Variants in SPEN observed in about 807,000 individuals in gnomAD.
SPEN encodes the protein spen family transcriptional repressor.
Under a neutral mutation model 269.9 loss-of-function variants are expected in SPEN, and 18 were observed. The ratio of observed to expected loss-of-function variants is 0.07; its 90% CI spans 0.05 to 0.10. The LOEUF is 0.10. SPEN is among the 10% of genes least tolerant of loss of function. The pLI, the probability that SPEN is intolerant of heterozygous loss-of-function variation, is 1.00. For synonymous variants in SPEN, 1,726 were observed against 1,765.7 expected, an observed-to-expected ratio of 0.98 and a Z score of 0.56; for missense variants, 3,822 against 4,631.2, an observed-to-expected ratio of 0.83 and a Z score of 5.07.
chr1:15,931,525 C>T lies in SPEN; in HGVS notation c.5285C>T (p.Pro1762Leu), dbSNP rs2148740144. 1.2e-6 allele frequency: 2 copies of T among 1,614,134 alleles called. No individual in the cohort carries two copies. The highest frequency in any genetic ancestry group is 2.2e-5 in the South Asian group (2 of 91,078). Residue 1762 changes from proline to leucine, a missense_variant, in exon 11 of 15, where the codon CCA (proline) becomes CTA (leucine). Physicochemically the swap from Pro to Leu is moderately conservative, Grantham distance 98. Transcript: ENST00000375759. This position sits in a 1 kb window ranked among gnomAD's most constrained non-coding sequence, Gnocchi z 4.8. ...EPDSTQPLSK[P>L]AQKSEEANEP... ...GACAGTACCCAGCCACTTTCAAAAC[C>T]AGCTCAGAAGTCTGAGGAAGCCAAT...
rs185830561 is a variant in SPEN, at chr1:15,905,324, C to T, written c.882-3997C>T. ...GCAACCTCCGCCTCCCGGGTTCAAG[C>T]GATTCTCCTGCCTCAGCCTCCTGAG... On this transcript the variant is annotated intron_variant, in intron 3 of 14. Coordinates refer to ENST00000375759, the MANE Select transcript of SPEN (RefSeq NM_015001.3). 7.2e-3 allele frequency among the ~76,000 whole-genome samples: 1,095 copies of T among 151,244 alleles called. 23 individuals carry two copies. The highest frequency in any genetic ancestry group is 0.025 in the African/African-American group (1,036 of 41,216).
In SPEN at chr1:15,933,978, A is replaced by G; in HGVS notation, c.7738A>G (p.Lys2580Glu). ...EAPPPPVDSK[K>E]PLEEKTAPPV... is the part of the protein sequence containing the mutation. ...CCCGCCCCCGCCAGTTGACTCTAAA[A>G]AGCCTTTAGAAGAAAAAACAGCACC... Residue 2580 changes from lysine (K) to glutamate (E), a missense_variant, in exon 11 of 15, where the codon AAG becomes GAG. Lys to Glu is a moderately conservative substitution (Grantham distance 56). Coordinates refer to ENST00000375759, the MANE Select transcript of SPEN (RefSeq NM_015001.3). This position sits in a 1 kb window ranked among gnomAD's most constrained non-coding sequence, Gnocchi z 5.7. 1 of 1,614,030 alleles carries G rather than the reference A, an allele frequency of 6.2e-7. No individual in the cohort carries two copies. The highest frequency in any genetic ancestry group is 1.1e-5 in the South Asian group (1 of 91,074).
intron 3 of SPEN, among the ~76,000 whole-genome samples, chr1:15,890,730 A>G (rs1332040429): frequency 6.6e-6 from 1 of 151,894 alleles, no homozygotes; most frequent in African/African-American, 2.4e-5. Flanking sequence ...AAACTAGTGC[A>G]TTTTCATGAC....
intron 3 of SPEN, among the ~76,000 whole-genome samples, chr1:15,907,743 A>T (rs1025641882): frequency 1.3e-5 from 2 of 152,220 alleles, no homozygotes; most frequent in African/African-American, 2.4e-5. Flanking sequence ...ACTTTTTATT[A>T]ACCTATTTGA....
chr1:15,848,035 C>A lies in SPEN; in HGVS notation c.-33C>A. 1 of 1,371,812 alleles carries A rather than the reference C, an allele frequency of 7.3e-7. No individual in the cohort carries two copies. The highest frequency in any genetic ancestry group is 9.6e-7 in the Non-Finnish European group (1 of 1,038,660). 85.0% of individuals were successfully genotyped at this position (1,371,812 alleles called of 1,614,324 possible). ...CTCGTACGAAGCCGGCGAGGGGGAG[C>A]CAGCAGCGGCGGTCGCCGGCACGCC... On this transcript the variant is annotated 5_prime_UTR_variant, in exon 1 of 15. Transcript: ENST00000375759. This position sits in a 1 kb window ranked among gnomAD's most constrained non-coding sequence, Gnocchi z 5.1.
At position 15,930,826 on chromosome 1, in the gene SPEN, G is replaced by A. The variant is rs1387656709; in HGVS notation, c.4586G>A (p.Arg1529His). 5.0e-6 allele frequency: 8 copies of A among 1,614,114 alleles called. No individual in the cohort carries two copies. The highest frequency in any genetic ancestry group is 6.8e-6 in the Non-Finnish European group (8 of 1,180,034). Reference sequence around the variant, plus strand: ...GAGAGGCAGGAATTGTTTGCTTCTCGTTTTTTACACAGCTCAATCTTTGAA... The same window carrying A: ...GAGAGGCAGGAATTGTTTGCTTCTCATTTTTTACACAGCTCAATCTTTGAA... ...EQERQELFAS[R>H]FLHSSIFEQD... The change falls in exon 11 of 15, where the codon CGT becomes CAT. Residue 1529 changes from arginine (R) to histidine (H), a missense_variant. Arg to His is a conservative substitution (Grantham distance 29). Transcript: ENST00000375759. This position sits in a 1 kb window ranked among gnomAD's most constrained non-coding sequence, Gnocchi z 5.3.
intron 4 of SPEN, among the ~76,000 whole-genome samples, chr1:15,910,270 G>A (rs1011527227): frequency 1.3e-5 from 2 of 151,968 alleles, no homozygotes; most frequent in African/African-American, 2.4e-5. Context: ...GGACAAGGGA[G>A]TAAAATTGGC....
At chr1:15,873,929 A>G in intron 2 of SPEN, 1 of 1,152,944 alleles carries the variant, frequency 8.7e-7, no homozygotes, top group Non-Finnish European at 1.1e-6. Flanking sequence ...TGTCCAATCA[A>G]AGGTACTTTA....
chr1:15,901,518 G>A (rs996667631), intron 3 of SPEN, among the ~76,000 whole-genome samples: 5 of 151,360 alleles, frequency 3.3e-5, no homozygotes, highest in South Asian at 2.1e-4. Flanking sequence ...TGGTTCATAC[G>A]TGTGGTCTGT....
intron 3 of SPEN, among the ~76,000 whole-genome samples, chr1:15,904,535 C>T (rs115796090): frequency 0.016 from 2,347 of 150,732 alleles, 43 homozygotes; most frequent in Non-Finnish European, 0.023. Context: ...AAACCAGTCT[C>T]CCCTTCTAGT....
chr1:15,919,181 ACTT>A, intron 7 of SPEN, 130 bp downstream of exon 7: 2 of 816,664 alleles, frequency 2.4e-6, no homozygotes, highest in South Asian at 3.7e-5. Context: ...AAAGTGATAT[ACTT>A]CTTTGCATTC....
At chr1:15,860,153 C>T (rs914070464) in intron 1 of SPEN, among the ~76,000 whole-genome samples, 5 of 151,622 alleles carry the variant, frequency 3.3e-5, no homozygotes, top group Admixed American at 6.6e-5. Flanking sequence ...CCTCGTGATC[C>T]GCCCGCCTCG....
intron 1 of SPEN, among the ~76,000 whole-genome samples, chr1:15,869,269 A>G (rs1202449593): frequency 6.6e-6 from 1 of 151,968 alleles, no homozygotes; most frequent in African/African-American, 2.4e-5. Flanking sequence ...GTTGGCCAGG[A>G]TGGTCTCCAT....
At chr1:15,851,777 G>A (rs1265434054) in intron 1 of SPEN, among the ~76,000 whole-genome samples, 1 of 152,124 alleles carries the variant, frequency 6.6e-6, no homozygotes, top group Non-Finnish European at 1.5e-5. Context: ...GAAGTCAAGA[G>A]TTCAAGACCA....
chr1:15,935,956 C>G lies in SPEN; in HGVS notation c.9716C>G (p.Ala3239Gly). 2 of 1,597,058 alleles carry G rather than the reference C, an allele frequency of 1.3e-6. No homozygotes were observed. Among genetic ancestry groups the G allele is most frequent in the Non-Finnish European group, 1.7e-6 (2 of 1,173,390 alleles). The change falls in exon 11 of 15, where the codon GCC (alanine) becomes GGC (glycine). Residue 3239 changes from alanine (A) to glycine (G), a missense_variant. Physicochemically the swap from Ala to Gly is moderately conservative, Grantham distance 60. Transcript: ENST00000375759. This position sits in a 1 kb window ranked among gnomAD's most constrained non-coding sequence, Gnocchi z 7.7. ...AAGGAAGCTGCCAAGACACCAGATG[C>G]CAAAGCTGCCCCCACCCCCACCCCT... Reference protein sequence around the residue: ...PGKEAAKTPDAKAAPTPTPAP... With the variant: ...PGKEAAKTPDGKAAPTPTPAP...
intron 1 of SPEN, among the ~76,000 whole-genome samples, chr1:15,865,578 A>G (rs1248613172): frequency 6.7e-6 from 1 of 149,026 alleles, no homozygotes; most frequent in Non-Finnish European, 1.5e-5. Flanking sequence ...ACGCACCGCC[A>G]CATCCGGCTA....
chr1:15,934,599 C>G lies in SPEN; in HGVS notation c.8359C>G (p.Pro2787Ala). The G allele has an allele frequency of 1.2e-6, 2 of 1,614,106 alleles. No homozygotes were observed. Among genetic ancestry groups the G allele is most frequent in the African/African-American group, 1.3e-5 (1 of 75,048 alleles). Residue 2787 changes from proline (P) to alanine (A), a missense_variant, in exon 11 of 15, where the codon CCA becomes GCA. Pro to Ala is a conservative substitution (Grantham distance 27, BLOSUM62 -1). Around this residue, in one of 16 missense-constraint regions of SPEN, gnomAD observed 329 missense variants for 431.2 expected, o/e 0.76. Transcript: ENST00000375759. This position sits in a 1 kb window ranked among gnomAD's most constrained non-coding sequence, Gnocchi z 9.2. The stretch of plus-strand genomic sequence containing the variant: ...TGCTAATGAAAACAGTCGGTTCCAC[C>G]CAGGGTCCATGCCTGTGATCGACGA... ...ASANENSRFH[P>A]GSMPVIDDRP...
In SPEN at chr1:15,937,021, T is replaced by C. The variant is rs2071281683; in HGVS notation, c.10027-142T>C. 7.9e-7 allele frequency: 1 copy of C among 1,270,028 alleles called. No homozygotes were observed. Among genetic ancestry groups the C allele is most frequent in the Non-Finnish European group, 1.1e-6 (1 of 920,138 alleles). 78.7% of individuals were successfully genotyped at this position (1,270,028 alleles called of 1,614,324 possible). On this transcript the variant is annotated intron_variant, in intron 11 of 14. Coordinates refer to ENST00000375759, the MANE Select transcript of SPEN (RefSeq NM_015001.3). The surrounding 1 kb of genome is among the most constrained non-coding windows in gnomAD (Gnocchi z 5.7). ...GGAACCCCGAAAGCAGCTCCGTTGA[T>C]TCAGGCTCCTTCTGTGGGCCTGACT...
Position 15,930,598 on chromosome 1 carries a change from C to T in SPEN, c.4358C>T (p.Ser1453Phe). The change falls in exon 11 of 15, where the codon TCC becomes TTC. Residue 1453 changes from serine (S) to phenylalanine (F), a missense_variant. This residue lies in a region of SPEN where 267 missense variants were observed against 315.5 expected (regional missense o/e 0.85). Coordinates refer to ENST00000375759, the MANE Select transcript of SPEN (RefSeq NM_015001.3). The surrounding 1 kb of genome is among the most constrained non-coding windows in gnomAD (Gnocchi z 5.3). Reference protein sequence around the residue: ...DTKALLERAKSLSSSREENWS... With the variant: ...DTKALLERAKFLSSSREENWS... ...AAAGCTTTGCTTGAAAGAGCTAAAT[C>T]CCTCTCTTCATCTCGTGAAGAAAAT... The T allele has an allele frequency of 6.2e-7, 1 of 1,614,122 alleles. No individual in the cohort carries two copies. The highest frequency in any genetic ancestry group is 2.2e-5 in the East Asian group (1 of 44,876).
Sources: allele counts gnomAD v4.1 joint callset (sites outside exome capture counted in the v4.1 genomes callset), GRCh38; gene constraint gnomAD v4.1.1; regional missense constraint gnomAD v4.1.1; non-coding constraint Gnocchi (gnomAD v3.1); transcripts MANE v1.5; gene names NCBI Gene and HGNC (gene_info 2026-07-23, HGNC 2026-07-21).